Variants in UMODL1 observed in about 807,000 individuals in gnomAD.
UMODL1 encodes uromodulin-like 1.
UMODL1 carries 128 observed loss-of-function variants against 136.3 expected under a neutral mutation model. The observed-to-expected ratio is 0.94, with a 90% CI of 0.81 to 1.09. The LOEUF (loss-of-function observed/expected upper bound fraction) is 1.09, where lower values mean the gene tolerates loss of function less well. Among genes scored for constraint, UMODL1 ranks in the 50% least tolerant of loss-of-function variants. The pLI, the probability that UMODL1 is intolerant of heterozygous loss-of-function variation, is 0.00. For missense variants in UMODL1, 1,766 were observed against 1,725.6 expected (o/e 1.02, Z -0.41); for synonymous variants, 721 against 720.0 (o/e 1.00, Z -0.02).
intron 7 of UMODL1, chr21:42,101,614 T>C: frequency 4.6e-6 from 2 of 430,192 alleles, no homozygotes; most frequent in East Asian, 7.1e-5. Flanking sequence ...AATATTCCCG[T>C]GTCCCATCTT....
At chr21:42,087,843 G>A (rs989212221) in intron 4 of UMODL1, among the ~76,000 whole-genome samples, 2 of 152,204 alleles carry the variant, frequency 1.3e-5, no homozygotes, top group Non-Finnish European at 2.9e-5. Context: ...GAGGCCCCCA[G>A]GCCTCTCTCC....
At chr21:42,086,173 G>A (rs974688745) in intron 4 of UMODL1, among the ~76,000 whole-genome samples, 1 of 152,232 alleles carries the variant, frequency 6.6e-6, no homozygotes, top group Non-Finnish European at 1.5e-5. Context: ...CTGGCTTCAG[G>A]ACCGGCTGCT....
chr21:42,076,658 C>G (rs1435850295), intron 2 of UMODL1, among the ~76,000 whole-genome samples: 2 of 152,208 alleles, frequency 1.3e-5, no homozygotes, highest in Non-Finnish European at 2.9e-5. Context: ...CAGAGTGATT[C>G]TCATATACCA....
intron 5 of UMODL1, among the ~76,000 whole-genome samples, chr21:42,089,612 G>T (rs1940050432): frequency 1.3e-5 from 2 of 152,182 alleles, no homozygotes; most frequent in South Asian, 4.1e-4. Context: ...GGAGGGTCTA[G>T]GGAAGTGTGA....
intron 9 of UMODL1, among the ~76,000 whole-genome samples, chr21:42,109,010 T>C (rs182696156): frequency 2.8e-4 from 26 of 92,730 alleles, no homozygotes; most frequent in African/African-American, 9.1e-4. Context: ...CCACCCCCGG[T>C]GTGGAAAGCT....
rs56409028 is a variant in UMODL1 at position 42,077,002 on chromosome 21, G to GGTGTGT, written c.319+815_319+820dup. Among the ~76,000 whole-genome samples the GGTGTGT allele has an allele frequency of 2.9e-3, 332 of 113,264 alleles. 3 individuals carry two copies. The highest frequency in any genetic ancestry group is 9.7e-3 in the Middle Eastern group (2 of 206). The allele number at this position is 113,264 out of a possible 152,430, so 74.3% of individuals were successfully genotyped here. A position where few individuals can be genotyped will look rare whatever the true frequency, so the allele number is the denominator to read the frequency against. On this transcript the variant is annotated intron_variant, in intron 2 of 22. Transcript: ENST00000408910. ...CACAGGTGATCTCTTCCAGGGGAGG[G>GGTGTGT]GTGTGTGTGTGTGTGTGTGTGTGTG...
intron 2 of UMODL1, among the ~76,000 whole-genome samples, chr21:42,077,629 C>T (rs556603401): frequency 6.6e-6 from 1 of 152,320 alleles, no homozygotes; most frequent in Admixed American, 6.5e-5. Context: ...ATATAGCTCG[C>T]CACAGTATCT....
In UMODL1 at chr21:42,119,141, C is replaced by T. The variant is rs764394755; in HGVS notation, c.2506C>T (p.Gln836Ter). ...VRGSLPATMC[Q>*]HMDAGGVRME... ...GGGCTCCCTGCCAGCCACCATGTGTCAGCACATGGACGCTGGTGGGGTCAG... is the reference window on the plus strand; with the variant it reads ...GGGCTCCCTGCCAGCCACCATGTGTTAGCACATGGACGCTGGTGGGGTCAG... Residue 836 changes from glutamine to a stop codon, truncating the protein, a stop_gained, in exon 15 of 23, where the codon CAG (glutamine) becomes TAG (stop). Transcript: ENST00000408910. LOFTEE classifies it high-confidence loss of function. 1.9e-6 allele frequency: 3 copies of T among 1,613,474 alleles called. No individual in the cohort carries two copies. The African/African-American group carries it at 4.0e-5, about 22-fold the overall frequency.
intron 14 of UMODL1, among the ~76,000 whole-genome samples, chr21:42,116,614 C>T (rs1031550825): frequency 4.0e-5 from 6 of 149,928 alleles, no homozygotes; most frequent in East Asian, 2.0e-4. Context: ...AGTCCCTCCA[C>T]GGTTTTTTTT....
At chr21:42,090,645 T>C (rs1269907873) in intron 6 of UMODL1, among the ~76,000 whole-genome samples, 6 of 152,266 alleles carry the variant, frequency 3.9e-5, no homozygotes, top group Non-Finnish European at 7.3e-5. Context: ...ATTCTGCTTT[T>C]AGTAGTGGTA....
chr21:42,106,971 C>T (rs1285500356), intron 9 of UMODL1, among the ~76,000 whole-genome samples: 1 of 152,182 alleles, frequency 6.6e-6, no homozygotes, highest in Non-Finnish European at 1.5e-5. Flanking sequence ...GCCCCTCCAG[C>T]GTTCAGGGCT....
intron 2 of UMODL1, among the ~76,000 whole-genome samples, chr21:42,082,949 G>A (rs989641899): frequency 3.3e-5 from 5 of 152,114 alleles, no homozygotes; most frequent in African/African-American, 9.7e-5. Flanking sequence ...GCCCACCGTG[G>A]CCTCCCCCTG....
At chr21:42,067,924 C>A (rs909388141), upstream of UMODL1, among the ~76,000 whole-genome samples, 8 of 152,218 alleles carry the variant, frequency 5.3e-5, no homozygotes, top group Non-Finnish European at 7.3e-5. Context: ...GATAAGAAAG[C>A]CGAGCTTCTT....
At chr21:42,075,113 T>C (rs933372389) in intron 1 of UMODL1, among the ~76,000 whole-genome samples, 1 of 152,102 alleles carries the variant, frequency 6.6e-6, no homozygotes, top group Non-Finnish European at 1.5e-5. Flanking sequence ...TTAGCCAGGG[T>C]GGTCTCGATC....
At chr21:42,136,142 G>A (rs1271914249) in intron 21 of UMODL1, among the ~76,000 whole-genome samples, 1 of 152,130 alleles carries the variant, frequency 6.6e-6, no homozygotes, top group African/African-American at 2.4e-5. Context: ...TGGGCTCATA[G>A]GGGCCAGCCA....
chr21:42,103,519 T>C (rs1272659249), intron 8 of UMODL1: 1 of 390,252 alleles, frequency 2.6e-6, no homozygotes. Context: ...TCTCCATCTA[T>C]CAATCAATCA....
At chr21:42,128,789 C>A (rs1390732653) in intron 20 of UMODL1, among the ~76,000 whole-genome samples, 2 of 152,194 alleles carry the variant, frequency 1.3e-5, no homozygotes, top group Non-Finnish European at 2.9e-5. Context: ...CAAGAGAATT[C>A]TTTACAAGAG....
chr21:42,078,710 C>T (rs538724477), intron 2 of UMODL1, among the ~76,000 whole-genome samples: 1 of 148,330 alleles, frequency 6.7e-6, no homozygotes, highest in Non-Finnish European at 1.5e-5. Flanking sequence ...GCCAGCTGAC[C>T]CCAGAGCAAC....
At chr21:42,089,514 C>T (rs1251755937) in intron 5 of UMODL1, among the ~76,000 whole-genome samples, 2 of 152,204 alleles carry the variant, frequency 1.3e-5, no homozygotes, top group Admixed American at 6.5e-5. Context: ...GAGGGAGAAC[C>T]CACACCATGG....
Sources: gnomAD v4.1 joint callset for allele counts (sites outside exome capture counted in the v4.1 genomes callset) on GRCh38, gnomAD v4.1.1 for gene constraint, MANE v1.5 for transcripts, NCBI Gene and HGNC (gene_info 2026-07-23, HGNC 2026-07-21) for gene names.